Variants in MOK observed in about 807,000 individuals in gnomAD.
MOK encodes the protein MOK protein kinase.
MOK carries 59 observed loss-of-function variants against 54.2 expected under a neutral mutation model. That is an observed-to-expected ratio of 1.09 (90% CI 0.88 to 1.35). The LOEUF (loss-of-function observed/expected upper bound fraction) is 1.35, where lower values mean the gene tolerates loss of function less well. MOK is among the 40% of genes most tolerant of loss of function. The probability of loss-of-function intolerance (pLI) is 0.00; values close to 1 mark genes in which losing one functional copy is unlikely to be tolerated. For missense variants in MOK, 517 were observed against 526.2 expected, an observed-to-expected ratio of 0.98 and a Z score of 0.17; for synonymous variants, 210 against 202.7, an observed-to-expected ratio of 1.04 and a Z score of -0.31.
chr14:102,226,955 TCTAA>T (rs2064275751), downstream of MOK, among the ~76,000 whole-genome samples: 3 of 151,838 alleles, frequency 2.0e-5, no homozygotes, highest in Admixed American at 1.3e-4. The surrounding 1 kb of genome is among the most constrained non-coding windows in gnomAD (Gnocchi z 4.8). Context: ...TACGCCCGAG[TCTAA>T]CTAAACCAGG....
intron 1 of MOK, among the ~76,000 whole-genome samples, chr14:102,303,210 G>A (rs1367271437): frequency 6.6e-6 from 1 of 151,240 alleles, no homozygotes; most frequent in East Asian, 1.9e-4. Context: ...TAAACCAAAT[G>A]ATCAAATCTA....
Position 102,230,687 on chromosome 14 carries a change from GAGGCCATCTGTGGTGACTT to G in MOK, c.981+1001_981+1019del, listed in dbSNP as rs2064603175. 6.5e-6 allele frequency: 1 copy of G among 153,262 alleles called. No individual in the cohort carries two copies. The highest frequency in any genetic ancestry group is 1.5e-5 in the Non-Finnish European group (1 of 68,730). The allele number at this position is 153,262 out of a possible 1,614,324, so 9.5% of individuals were successfully genotyped here. A position where few individuals can be genotyped will look rare whatever the true frequency, so the allele number is the denominator to read the frequency against. On this transcript the variant is annotated intron_variant, in intron 10 of 11. Coordinates refer to ENST00000361847, the MANE Select transcript of MOK (RefSeq NM_014226.3). This position sits in a 1 kb window ranked among gnomAD's most constrained non-coding sequence, Gnocchi z 4.1. Reference sequence around the variant, plus strand: ...GAGGCAGAGCAGGGACAGTAGTGAGGAGGCCATCTGTGGTGACTTAGGCAAGGTGAGGAGGATGTAGGAG... The same window carrying G: ...GAGGCAGAGCAGGGACAGTAGTGAGGAGGCAAGGTGAGGAGGATGTAGGAG...
rs992398313 is a variant in MOK at position 102,266,056 on chromosome 14, T to C, written c.123-144A>G. ...AGGTTTTATTTCTCCCATTAGAAAC[T>C]GAAGTTAAGCATACCTCATTGCTGC... On this transcript the variant is annotated intron_variant, in intron 2 of 11. Transcript: ENST00000361847. 3.1e-5 allele frequency: 19 copies of C among 613,266 alleles called. 1 individual carries two copies. The highest frequency in any genetic ancestry group is 3.7e-5 in the African/African-American group (2 of 54,574). The allele number at this position is 613,266 out of a possible 1,614,324, so 38.0% of individuals were successfully genotyped here.
At position 102,229,551 on chromosome 14, in the gene MOK, T is replaced by TA; in HGVS notation, c.1087dup (p.Tyr363LeufsTer40). 6.2e-7 allele frequency: 1 copy of TA among 1,614,018 alleles called. No homozygotes were observed. Among genetic ancestry groups the TA allele is most frequent in the East Asian group, 2.2e-5 (1 of 44,862 alleles). ...CACGGACTGCAGCGTGGGGCTGGAG[T>TA]AAGACGACAGTCTGACCACTCCCGA... is the stretch of plus-strand genomic sequence containing the variant. On this transcript the variant is annotated frameshift_variant, in exon 11 of 12. Transcript: ENST00000361847. LOFTEE classifies it high-confidence loss of function.
At position 102,235,933 on chromosome 14, in the gene MOK, G is replaced by A. The variant is rs11844941; in HGVS notation, c.591-2144C>T. Among the ~76,000 whole-genome samples, 29,467 of 152,066 alleles carry A rather than the reference G, an allele frequency of 0.19. 3,172 individuals are homozygous for A. The highest frequency in any genetic ancestry group is 0.29 in the African/African-American group (11,920 of 41,462). On this transcript the variant is annotated intron_variant, in intron 7 of 11. Coordinates refer to ENST00000361847, the MANE Select transcript of MOK (RefSeq NM_014226.3). The surrounding 1 kb of genome is among the most constrained non-coding windows in gnomAD (Gnocchi z 4.4). ...TGCTAAATACCAGCTTCTAGCAGCG[G>A]CTGTCCATCAACCCAGCCGTATCAC...
At chr14:102,294,279 T>C (rs2071162464) in intron 1 of MOK, among the ~76,000 whole-genome samples, 1 of 152,056 alleles carries the variant, frequency 6.6e-6, no homozygotes, top group Admixed American at 6.5e-5. Flanking sequence ...ACCCCGTCTC[T>C]ACTAAAAATA....
intron 1 of MOK, among the ~76,000 whole-genome samples, chr14:102,298,662 G>A (rs1438754026): frequency 2.0e-5 from 3 of 152,170 alleles, no homozygotes; most frequent in African/African-American, 7.2e-5. Flanking sequence ...GGATGTGGGT[G>A]GTGCCAGATA....
Position 102,248,734 on chromosome 14 carries a change from C to T in MOK, c.590+2078G>A, listed in dbSNP as rs189040911. Among the ~76,000 whole-genome samples the T allele has an allele frequency of 3.9e-3, 572 of 147,560 alleles. 5 individuals carry two copies. Among genetic ancestry groups the T allele is most frequent in the African/African-American group, 0.014 (546 of 39,834 alleles). ...CGGAGCTTGCAGTGAGCCCAGATCGCGCCACTGCACTCCAGTCTGGGCGAC... is the reference window on the plus strand; with the variant it reads ...CGGAGCTTGCAGTGAGCCCAGATCGTGCCACTGCACTCCAGTCTGGGCGAC... On this transcript the variant is annotated intron_variant, in intron 7 of 11. Coordinates refer to ENST00000361847, the MANE Select transcript of MOK (RefSeq NM_014226.3).
chr14:102,270,218 T>C (rs1187539103), intron 2 of MOK, among the ~76,000 whole-genome samples: 2 of 152,126 alleles, frequency 1.3e-5, no homozygotes, highest in Non-Finnish European at 2.9e-5. Context: ...GCACAACATA[T>C]AGAAATTTAT....
chr14:102,284,045 C>T (rs569634180), intron 1 of MOK, among the ~76,000 whole-genome samples: 1 of 152,240 alleles, frequency 6.6e-6, no homozygotes, highest in East Asian at 1.9e-4. Context: ...ACAATTCTTG[C>T]ACTTCCTAAT....
chr14:102,271,486 T>G (rs1286225591), intron 2 of MOK, among the ~76,000 whole-genome samples: 1 of 152,146 alleles, frequency 6.6e-6, no homozygotes, highest in Non-Finnish European at 1.5e-5. Flanking sequence ...ACAAACTTTT[T>G]CAGCAAAAAA....
chr14:102,233,521 G>C (rs2064935734), intron 8 of MOK, 167 bp downstream of exon 8: 4 of 602,368 alleles, frequency 6.6e-6, no homozygotes, highest in Non-Finnish European at 8.9e-6. Context: ...AAAGTGATGG[G>C]CTCTGTCTGA....
intron 4 of MOK, among the ~76,000 whole-genome samples, chr14:102,259,093 C>T (rs1325576509): frequency 2.6e-5 from 4 of 151,768 alleles, no homozygotes; most frequent in Non-Finnish European, 4.4e-5. Context: ...AGACTATATA[C>T]TCTTTCAATA....
chr14:102,297,661 G>A (rs1006576861), intron 1 of MOK, among the ~76,000 whole-genome samples: 2 of 152,196 alleles, frequency 1.3e-5, no homozygotes, highest in African/African-American at 2.4e-5. Context: ...AGGTGTGGAG[G>A]AAGAGGCACC....
At chr14:102,284,767 G>A (rs765804726) in intron 1 of MOK, among the ~76,000 whole-genome samples, 3 of 152,100 alleles carry the variant, frequency 2.0e-5, no homozygotes, top group Non-Finnish European at 4.4e-5. Flanking sequence ...GCATATGAGC[G>A]AGGCCACAAA....
intron 4 of MOK, among the ~76,000 whole-genome samples, 170 bp from the exon 5 acceptor site, chr14:102,252,165 T>A (rs1435735013): frequency 4.6e-5 from 7 of 152,154 alleles, no homozygotes; most frequent in African/African-American, 1.7e-4. Flanking sequence ...AAACATACCA[T>A]TTAAAATTCC....
chr14:102,270,578 G>A (rs1175824134), intron 2 of MOK, among the ~76,000 whole-genome samples: 1 of 151,434 alleles, frequency 6.6e-6, no homozygotes, highest in African/African-American at 2.4e-5. Flanking sequence ...TCCAGCCTGG[G>A]CAAGAGCAAG....
At chr14:102,219,685 T>C (rs756529315), downstream of MOK, among the ~76,000 whole-genome samples, 4 of 152,388 alleles carry the variant, frequency 2.6e-5, no homozygotes, top group East Asian at 1.9e-4. Context: ...GCCAACGTGC[T>C]TCCTGAGTGC....
downstream of MOK, chr14:102,225,890 G>A (rs1398586380): frequency 5.4e-6 from 1 of 186,056 alleles, no homozygotes; most frequent in Admixed American, 5.4e-5. Context: ...TCCCTGGTAC[G>A]ATTTGGGTTT....
Sources: allele counts gnomAD v4.1 joint callset (sites outside exome capture counted in the v4.1 genomes callset), GRCh38; gene constraint gnomAD v4.1.1; non-coding constraint Gnocchi (gnomAD v3.1); transcripts MANE v1.5; gene names NCBI Gene and HGNC (gene_info 2026-07-23, HGNC 2026-07-21).